The following ATXN10 variants were observed in gnomAD, a reference collection of about 807,000 sequenced individuals.
ATXN10 encodes the protein ataxin-10.
Under a neutral mutation model 52.9 loss-of-function variants are expected in ATXN10, and 28 were observed. The observed-to-expected ratio is 0.53, with a 90% confidence interval of 0.39 to 0.73. ATXN10 has a LOEUF of 0.73. Ranked by LOEUF, ATXN10 falls within the 30% of genes least tolerant of loss-of-function variation. The pLI, the probability that ATXN10 is intolerant of heterozygous loss-of-function variation, is 0.00. For synonymous variants in ATXN10, 226 were observed against 221.5 expected (o/e 1.02, Z -0.18); for missense variants, 565 against 577.0 (o/e 0.98, Z 0.21).
At chr22:45,808,148 C>T (rs1015767562) in intron 10 of ATXN10, among the ~76,000 whole-genome samples, 6 of 152,006 alleles carry the variant, frequency 3.9e-5, no homozygotes, top group Non-Finnish European at 7.4e-5. Flanking sequence ...TGGTTTAGTG[C>T]GTGGCATTAT....
intron 9 of ATXN10, among the ~76,000 whole-genome samples, chr22:45,767,691 G>A (rs1465457500): frequency 6.6e-6 from 1 of 152,054 alleles, no homozygotes; most frequent in Non-Finnish European, 1.5e-5. Flanking sequence ...GAAAAAAAAG[G>A]GAGAGGGTTG....
At chr22:45,739,824 G>A (rs1217272101) in intron 8 of ATXN10, among the ~76,000 whole-genome samples, 1 of 152,204 alleles carries the variant, frequency 6.6e-6, no homozygotes, top group African/African-American at 2.4e-5. Context: ...TGGCTGCCTG[G>A]AGGTGCTCAT....
rs1260485893 is a variant in ATXN10, at chr22:45,795,909, ATTGT to A, written c.1174-11045_1174-11042del. 6.6e-6 allele frequency among the ~76,000 whole-genome samples: 1 copy of A among 152,194 alleles called. No homozygotes were observed. The highest frequency in any genetic ancestry group is 1.5e-5 in the Non-Finnish European group (1 of 68,036). On this transcript the variant is annotated intron_variant, in intron 9 of 11. Coordinates refer to ENST00000252934, the MANE Select transcript of ATXN10 (RefSeq NM_013236.4). This position sits in a 1 kb window ranked among gnomAD's most constrained non-coding sequence, Gnocchi z 4.6. The stretch of plus-strand genomic sequence containing the variant: ...CGTGATGATCACGTTATCTGCACAA[ATTGT>A]TTGTAAAGCATGTGTGTTTGAACAA...
chr22:45,812,188 G>A (rs747176340), intron 10 of ATXN10, among the ~76,000 whole-genome samples: 4 of 152,090 alleles, frequency 2.6e-5, no homozygotes, highest in Non-Finnish European at 5.9e-5. Flanking sequence ...CACCCGCTCC[G>A]ATCCCTGCCA....
chr22:45,800,568 A>G (rs1310579105), intron 9 of ATXN10, among the ~76,000 whole-genome samples: 1 of 152,242 alleles, frequency 6.6e-6, no homozygotes, highest in East Asian at 1.9e-4. Context: ...TATACTTCAT[A>G]TGACCCAGCA....
Position 45,689,440 on chromosome 22 carries a change from TTACCTTATCTG to T in ATXN10, c.117-269_117-259del. On this transcript the variant is annotated intron_variant, in intron 1 of 11. Coordinates refer to ENST00000252934, the MANE Select transcript of ATXN10 (RefSeq NM_013236.4). Reference sequence around the variant, plus strand: ...AAGTTACTTACCATCTCTACTTCACTTACCTTATCTGTAAATGGAGAGGACAGTGTTGGCCT... The same window carrying T: ...AAGTTACTTACCATCTCTACTTCACTTAAATGGAGAGGACAGTGTTGGCCT... 6.3e-6 allele frequency: 3 copies of T among 476,244 alleles called. No homozygotes were observed. The South Asian group carries it at 6.5e-5, about 10-fold the overall frequency. 29.5% of individuals were successfully genotyped at this position (476,244 alleles called of 1,614,324 possible).
Position 45,826,376 on chromosome 22 carries a change from A to C in ATXN10, c.1238-16615A>C, listed in dbSNP as rs547056667. 1.3e-5 allele frequency among the ~76,000 whole-genome samples: 2 copies of C among 152,246 alleles called. No homozygotes were observed. The highest frequency in any genetic ancestry group is 3.8e-4 in the East Asian group (2 of 5,204). On this transcript the variant is annotated intron_variant, in intron 10 of 11. Coordinates refer to ENST00000252934, the MANE Select transcript of ATXN10 (RefSeq NM_013236.4). This position sits in a 1 kb window ranked among gnomAD's most constrained non-coding sequence, Gnocchi z 5.0. ...GGAAAAAGAGAAAAGGGCAGAGAGA[A>C]TATCTGAAGAAATAAGGACTGAAAA...
rs1923028014 is a variant in ATXN10 at position 45,683,908 on chromosome 22, C to G, written c.117-5804C>G. Among the ~76,000 whole-genome samples the G allele has an allele frequency of 6.6e-6, 1 of 152,188 alleles. No homozygotes were observed. On this transcript the variant is annotated intron_variant, in intron 1 of 11. Coordinates refer to ENST00000252934, the MANE Select transcript of ATXN10 (RefSeq NM_013236.4). The surrounding 1 kb of genome is among the most constrained non-coding windows in gnomAD (Gnocchi z 4.8). ...TTTTCCAGTGGTTGACTTTCTGCCT[C>G]TGTGCTAATTTCACCTTTTCTTAGC... is the stretch of plus-strand genomic sequence containing the variant.
At chr22:45,779,739 G>A (rs906482866) in intron 9 of ATXN10, among the ~76,000 whole-genome samples, 2 of 152,196 alleles carry the variant, frequency 1.3e-5, no homozygotes, top group Non-Finnish European at 2.9e-5. Context: ...AGACAAGAAA[G>A]CGAAGACTTG....
At chr22:45,742,459 C>T (rs1415896915) in intron 9 of ATXN10, among the ~76,000 whole-genome samples, 2 of 151,356 alleles carry the variant, frequency 1.3e-5, no homozygotes, top group African/African-American at 4.9e-5. Flanking sequence ...TGGGATATCT[C>T]AGCAGAGAAA....
At chr22:45,796,519 T>C (rs978272048) in intron 9 of ATXN10, among the ~76,000 whole-genome samples, 13 of 152,142 alleles carry the variant, frequency 8.5e-5, no homozygotes, top group Non-Finnish European at 1.5e-4. Context: ...CTTTTGTGGC[T>C]CAAGGGGCAT....
In ATXN10 at chr22:45,680,197, G is replaced by A. The variant is rs945984653; in HGVS notation, c.116+8018G>A. ...GATGCTCTTTCATTATAGCTATTGA[G>A]GAGTTTGTGTACTGCTTAGAACAGT... is the stretch of plus-strand genomic sequence containing the variant. On this transcript the variant is annotated intron_variant, in intron 1 of 11. Transcript: ENST00000252934. 3.3e-5 allele frequency: 5 copies of A among 152,318 alleles called. No homozygotes were observed. The South Asian group carries it at 1.0e-3, about 32-fold the overall frequency. The allele number at this position is 152,318 out of a possible 1,614,324, so 9.4% of individuals were successfully genotyped here. A position where few individuals can be genotyped will look rare whatever the true frequency, so the allele number is the denominator to read the frequency against.
At chr22:45,725,864 A>G (rs563129803) in intron 6 of ATXN10, among the ~76,000 whole-genome samples, 1 of 152,232 alleles carries the variant, frequency 6.6e-6, no homozygotes, top group Admixed American at 6.5e-5. Context: ...TTTTATCATA[A>G]AGGGATGCTG....
Position 45,732,867 on chromosome 22 carries a change from A to T in ATXN10, c.894+3277A>T, listed in dbSNP as rs963007871. Among the ~76,000 whole-genome samples the T allele has an allele frequency of 6.6e-6, 1 of 152,210 alleles. No individual in the cohort carries two copies. The highest frequency in any genetic ancestry group is 2.4e-5 in the African/African-American group (1 of 41,454). On this transcript the variant is annotated intron_variant, in intron 7 of 11. Coordinates refer to ENST00000252934, the MANE Select transcript of ATXN10 (RefSeq NM_013236.4). This position sits in a 1 kb window ranked among gnomAD's most constrained non-coding sequence, Gnocchi z 4.5. Reference sequence around the variant, plus strand: ...TCATTGGTGATCTTTTTAGGACAAGATAGATATTCAGTAAAGTTCTCAATG... The same window carrying T: ...TCATTGGTGATCTTTTTAGGACAAGTTAGATATTCAGTAAAGTTCTCAATG...
chr22:45,683,001 C>G lies in ATXN10; in HGVS notation c.117-6711C>G, dbSNP rs780168433. On this transcript the variant is annotated intron_variant, in intron 1 of 11. Transcript: ENST00000252934. The surrounding 1 kb of genome is among the most constrained non-coding windows in gnomAD (Gnocchi z 4.8). ...AAAGAGATCCTTTTAACATGTAAGT[C>G]AGATGATGTCACCCCTCTGCTCAGA... Among the ~76,000 whole-genome samples the G allele has an allele frequency of 6.6e-5, 10 of 152,142 alleles. No individual in the cohort carries two copies. The highest frequency in any genetic ancestry group is 1.5e-4 in the Non-Finnish European group (10 of 68,020).
chr22:45,713,224 G>A (rs145755287), intron 5 of ATXN10, among the ~76,000 whole-genome samples: 38 of 152,218 alleles, frequency 2.5e-4, no homozygotes, highest in African/African-American at 8.7e-4. Context: ...TTGTATATCA[G>A]TATTGTAATG....
At chr22:45,747,521 A>G (rs1031905191) in intron 9 of ATXN10, among the ~76,000 whole-genome samples, 2 of 151,828 alleles carry the variant, frequency 1.3e-5, no homozygotes, top group Non-Finnish European at 2.9e-5. Flanking sequence ...AGAAACAGAA[A>G]ATGTCTGAGC....
rs1391956705 is a variant in ATXN10, at chr22:45,757,365, A to C, written c.1173+16827A>C. Among the ~76,000 whole-genome samples, 1 of 152,148 alleles carries C rather than the reference A, an allele frequency of 6.6e-6. No individual in the cohort carries two copies. Among genetic ancestry groups the C allele is most frequent in the African/African-American group, 2.4e-5 (1 of 41,422 alleles). On this transcript the variant is annotated intron_variant, in intron 9 of 11. Coordinates refer to ENST00000252934, the MANE Select transcript of ATXN10 (RefSeq NM_013236.4). The surrounding 1 kb of genome is among the most constrained non-coding windows in gnomAD (Gnocchi z 4.6). The stretch of plus-strand genomic sequence containing the variant: ...TGGAGCAATACCAGCTGATTCTAAC[A>C]GTGTGGCCCAGCAGCGCCTGCTGGC...
chr22:45,698,350 A>C (rs147932798), intron 3 of ATXN10, among the ~76,000 whole-genome samples: 2 of 152,158 alleles, frequency 1.3e-5, no homozygotes, highest in African/African-American at 4.8e-5. Context: ...GGGGTACTTC[A>C]TTGTGGTTTT....
Sources: gnomAD v4.1 joint callset for allele counts (sites outside exome capture counted in the v4.1 genomes callset) on GRCh38, gnomAD v4.1.1 for gene constraint, Gnocchi (gnomAD v3.1) non-coding constraint, MANE v1.5 for transcripts, NCBI Gene and HGNC (gene_info 2026-07-23, HGNC 2026-07-21) for gene names.